TENM2: variants seen among roughly 807,000 people sequenced by gnomAD.
The protein encoded by TENM2 is teneurin-2.
In TENM2, 52 loss-of-function variants were observed where a neutral mutation model predicts 245.2. That is an observed-to-expected ratio of 0.21 (90% CI 0.17 to 0.27). The LOEUF (loss-of-function observed/expected upper bound fraction) is 0.27, where lower values mean the gene tolerates loss of function less well. Ranked by LOEUF, TENM2 falls within the 10% of genes least tolerant of loss-of-function variation. The pLI is 1.00. For missense variants in TENM2, 3,046 were observed against 3,666.8 expected, an observed-to-expected ratio of 0.83 and a Z score of 4.37; for synonymous variants, 1,363 against 1,438.9, an observed-to-expected ratio of 0.95 and a Z score of 1.19.
At chr5:167,048,920 A>C in the TENM2 span, among the ~76,000 whole-genome samples, 1 of 152,160 alleles carries the variant, frequency 6.6e-6, no homozygotes, top group Non-Finnish European at 1.5e-5. Context: ...CATTGAAGCT[A>C]TTTAAATTTT....
At chr5:167,021,063 C>T in the TENM2 span, among the ~76,000 whole-genome samples, 12 of 152,086 alleles carry the variant, frequency 7.9e-5, no homozygotes, top group Admixed American at 2.0e-4. Context: ...AGAATTGCTT[C>T]AACCCAGGAG....
At chr5:168,018,267 A>G (rs1237733625) in intron 5 of TENM2, among the ~76,000 whole-genome samples, 2 of 152,098 alleles carry the variant, frequency 1.3e-5, no homozygotes, top group Non-Finnish European at 1.5e-5. Flanking sequence ...TATCCAGCTT[A>G]CATAATTTGC....
At chr5:168,014,865 G>A (rs1395275226) in intron 5 of TENM2, among the ~76,000 whole-genome samples, 1 of 152,178 alleles carries the variant, frequency 6.6e-6, no homozygotes, top group Non-Finnish European at 1.5e-5. Context: ...CTCTTGGGGA[G>A]CATAATGGCG....
At chr5:167,040,369 G>C in the TENM2 span, among the ~76,000 whole-genome samples, 3 of 152,092 alleles carry the variant, frequency 2.0e-5, no homozygotes, top group African/African-American at 7.2e-5. Flanking sequence ...TTGAAAGAAG[G>C]CTGACGATAA....
the TENM2 span, among the ~76,000 whole-genome samples, chr5:167,140,498 C>A: frequency 6.6e-6 from 1 of 152,096 alleles, no homozygotes; most frequent in African/African-American, 2.4e-5. Flanking sequence ...CACAACCAGG[C>A]CTCCCTTACA....
intron 2 of TENM2, among the ~76,000 whole-genome samples, chr5:167,800,835 C>G (rs569501932): frequency 1.3e-5 from 2 of 152,088 alleles, no homozygotes; most frequent in South Asian, 4.2e-4. Context: ...TCTTGATTCC[C>G]TGGCAGAGAA....
At chr5:167,355,869 T>A (rs1226612037) in intron 1 of TENM2, among the ~76,000 whole-genome samples, 1 of 25,488 alleles carries the variant, frequency 3.9e-5, no homozygotes, top group Non-Finnish European at 6.2e-5. Flanking sequence ...TGACCCTTAA[T>A]TTTTTTTTTT....
chr5:167,162,813 G>C, the TENM2 span, among the ~76,000 whole-genome samples: 1 of 152,170 alleles, frequency 6.6e-6, no homozygotes, highest in East Asian at 1.9e-4. Flanking sequence ...AACTATGTGA[G>C]AGGAAAATGG....
the TENM2 span, among the ~76,000 whole-genome samples, chr5:167,079,316 T>C: frequency 1.3e-5 from 2 of 148,642 alleles, no homozygotes; most frequent in African/African-American, 4.9e-5. Context: ...TATAATATAA[T>C]GTATATATAT....
At chr5:168,017,472 T>C (rs1489083894) in intron 5 of TENM2, among the ~76,000 whole-genome samples, 1 of 152,240 alleles carries the variant, frequency 6.6e-6, no homozygotes, top group Non-Finnish European at 1.5e-5. Flanking sequence ...TCCACAAATG[T>C]CCTTTGCTCA....
intron 2 of TENM2, among the ~76,000 whole-genome samples, chr5:167,629,204 G>T (rs1227641390): frequency 6.6e-6 from 1 of 152,096 alleles, no homozygotes; most frequent in Non-Finnish European, 1.5e-5. Context: ...ACTTCTAGAA[G>T]AAAAAGAGAG....
chr5:167,206,401 G>C, the TENM2 span, among the ~76,000 whole-genome samples: 13 of 152,114 alleles, frequency 8.5e-5, no homozygotes, highest in South Asian at 2.1e-4. Flanking sequence ...TGTCCCCAAG[G>C]CTTGTTGTAG....
At chr5:167,270,524 A>G in the TENM2 span, among the ~76,000 whole-genome samples, 2 of 152,088 alleles carry the variant, frequency 1.3e-5, no homozygotes, top group Non-Finnish European at 2.9e-5. Context: ...TCTCTTCATC[A>G]TGATCTCTCT....
At chr5:166,999,044 T>G in the TENM2 span, among the ~76,000 whole-genome samples, 2 of 150,424 alleles carry the variant, frequency 1.3e-5, no homozygotes. Flanking sequence ...TTTATTATTA[T>G]ATTTTTGTAT....
Position 168,247,666 on chromosome 5 carries a change from C to G in TENM2, c.6727C>G (p.Leu2243Val). ...ACTGAACCCAGGCAACAGTGTGCGC[C>G]TCATGCCCTTGCGCTATGACCTCCG... Residue 2243 changes from leucine to valine, a missense_variant, in exon 27 of 29, where the codon CTC becomes GTC. Leu to Val is a conservative substitution (Grantham distance 32). Transcript: ENST00000518659. The surrounding 1 kb of genome is among the most constrained non-coding windows in gnomAD (Gnocchi z 7.8). 6.2e-7 allele frequency: 1 copy of G among 1,613,900 alleles called. No homozygotes were observed. Among genetic ancestry groups the G allele is most frequent in the Non-Finnish European group, 8.5e-7 (1 of 1,179,898 alleles).
At chr5:167,447,748 A>G (rs1765318257) in intron 2 of TENM2, among the ~76,000 whole-genome samples, 1 of 152,232 alleles carries the variant, frequency 6.6e-6, no homozygotes, top group African/African-American at 2.4e-5. Flanking sequence ...TCTCTCTACT[A>G]AACAGTTAAT....
intron 3 of TENM2, among the ~76,000 whole-genome samples, chr5:167,884,066 A>G (rs1046380775): frequency 1.3e-5 from 2 of 152,036 alleles, no homozygotes; most frequent in Admixed American, 1.3e-4. Context: ...TACTTAATCT[A>G]TATCTCAGTA....
chr5:167,678,016 G>A (rs1756450427), intron 2 of TENM2, among the ~76,000 whole-genome samples: 1 of 151,796 alleles, frequency 6.6e-6, no homozygotes, highest in Non-Finnish European at 1.5e-5. Flanking sequence ...TTAAAGACAT[G>A]GAATTATATT....
intron 8 of TENM2, among the ~76,000 whole-genome samples, chr5:168,095,196 C>A (rs1793262778): frequency 6.6e-6 from 1 of 152,042 alleles, no homozygotes; most frequent in South Asian, 2.1e-4. Flanking sequence ...GTCTGTAGAA[C>A]AATTGTCTTC....
Sources: allele counts gnomAD v4.1 joint callset (sites outside exome capture counted in the v4.1 genomes callset), GRCh38; gene constraint gnomAD v4.1.1; non-coding constraint Gnocchi (gnomAD v3.1); transcripts MANE v1.5; gene names NCBI Gene and HGNC (gene_info 2026-07-23, HGNC 2026-07-21).